Variants in RGS12 observed in about 807,000 individuals in gnomAD.
RGS12 encodes the protein regulator of G-protein signaling 12.
A neutral mutation model predicts 120.1 loss-of-function variants in RGS12; 66 were observed. That is an observed-to-expected ratio of 0.55 (90% CI 0.45 to 0.67). The LOEUF is 0.67. Ranked by LOEUF, RGS12 falls within the 30% of genes least tolerant of loss-of-function variation. The pLI, the probability that RGS12 is intolerant of heterozygous loss-of-function variation, is 0.00. For synonymous variants in RGS12, 827 were observed against 804.7 expected, an observed-to-expected ratio of 1.03 and a Z score of -0.47; for missense variants, 1,859 against 1,957.7, an observed-to-expected ratio of 0.95 and a Z score of 0.95.
chr4:3,334,474 C>T (rs140806737), intron 2 of RGS12, among the ~76,000 whole-genome samples: 160 of 152,236 alleles, frequency 1.1e-3, no homozygotes, highest in African/African-American at 3.7e-3. Context: ...GAGACTATCT[C>T]GTACTTTCCC....
chr4:3,321,315 G>A (rs1424751464), intron 2 of RGS12, among the ~76,000 whole-genome samples: 1 of 152,152 alleles, frequency 6.6e-6, no homozygotes, highest in African/African-American at 2.4e-5. Flanking sequence ...AGAGAGTGAA[G>A]CAGCTCCAGG....
rs547059462 is a variant in RGS12 at position 3,425,504 on chromosome 4, C to T, written c.3275C>T (p.Ser1092Leu). The T allele has an allele frequency of 7.4e-6, 12 of 1,611,990 alleles. No homozygotes were observed. Among genetic ancestry groups the T allele is most frequent in the Admixed American group, 5.0e-5 (3 of 59,892 alleles). Residue 1092 changes from serine to leucine, a missense_variant, in exon 14 of 18, where the codon TCG becomes TTG. Transcript: ENST00000336727. ...KEPLDLGAPI[S>L]SLDGQRVVLE... ...CCCCTGGACCTTGGCGCCCCTATAT[C>T]GAGTCTGGACGGACAGCGGGTTGTC...
chr4:3,351,143 T>A (rs1009531746), intron 3 of RGS12, among the ~76,000 whole-genome samples: 3 of 152,188 alleles, frequency 2.0e-5, no homozygotes, highest in African/African-American at 7.2e-5. Flanking sequence ...TTTTTCAGAT[T>A]CAATTGAATT....
intron 17 of RGS12, chr4:3,432,120 C>G: frequency 1.0e-6 from 1 of 985,498 alleles, no homozygotes; most frequent in African/African-American, 1.7e-5. Context: ...GTGTGGCTCT[C>G]ACCTGCGTTT....
At position 3,439,508 on chromosome 4, in the gene RGS12, G is replaced by A. The variant is rs1156458996; in HGVS notation, c.4168G>A (p.Asp1390Asn). Residue 1390 changes from aspartate (D) to asparagine (N), a missense_variant, in exon 18 of 18, where the codon GAT becomes AAT. Around this residue, in one of 3 missense-constraint regions of RGS12, gnomAD observed 517 missense variants for 488.5 expected, o/e 1.06. Coordinates refer to ENST00000336727, the MANE Select transcript of RGS12 (RefSeq NM_001394154.1). The stretch of plus-strand genomic sequence containing the variant: ...CCCAGTCAACAGAATCATCGATGTG[G>A]ATCTTGTAACTGGCTCGGCGCCCGG... ...DLPVNRIIDV[D>N]LVTGSAPGRD... The A allele has an allele frequency of 6.2e-7, 1 of 1,612,834 alleles. No homozygotes were observed. The highest frequency in any genetic ancestry group is 1.7e-5 in the Admixed American group (1 of 60,018).
upstream of RGS12, among the ~76,000 whole-genome samples, chr4:3,288,945 T>C (rs13152190): frequency 0.27 from 41,057 of 151,890 alleles, 6,600 homozygotes; most frequent in East Asian, 0.47. The surrounding 1 kb of genome is among the most constrained non-coding windows in gnomAD (Gnocchi z 5.2). Context: ...TAGAGTGGGC[T>C]GACTCCAGCC....
chr4:3,340,013 A>G (rs954862516), intron 2 of RGS12, among the ~76,000 whole-genome samples: 9 of 152,224 alleles, frequency 5.9e-5, no homozygotes, highest in African/African-American at 2.2e-4. Context: ...ATCTATAATG[A>G]GAACAAAGTC....
chr4:3,308,425 C>T (rs1329341459), intron 1 of RGS12, among the ~76,000 whole-genome samples: 6 of 152,344 alleles, frequency 3.9e-5, no homozygotes, highest in Admixed American at 6.5e-5. Flanking sequence ...ACTGAAATGG[C>T]GAGGCACCCT....
chr4:3,417,621 G>A (rs1326941796), intron 9 of RGS12, 80 bp downstream of exon 9: 16 of 1,498,206 alleles, frequency 1.1e-5, no homozygotes, highest in Non-Finnish European at 1.5e-5. Flanking sequence ...GGTGGTTGGC[G>A]GTGACCTTGG....
chr4:3,357,999 T>C (rs762942172), intron 3 of RGS12, among the ~76,000 whole-genome samples: 13 of 152,226 alleles, frequency 8.5e-5, no homozygotes, highest in Non-Finnish European at 1.5e-4. Context: ...GGATATGTTA[T>C]ATTTACTTAT....
At chr4:3,402,655 C>A (rs548583433) in intron 4 of RGS12, among the ~76,000 whole-genome samples, 1 of 147,646 alleles carries the variant, frequency 6.8e-6, no homozygotes, top group African/African-American at 2.6e-5. Context: ...CGTTGGGTGG[C>A]GTCCTCTGCG....
Position 3,414,816 on chromosome 4 carries a change from A to G in RGS12, c.2255A>G (p.Asn752Ser), listed in dbSNP as rs755008956. 3.6e-5 allele frequency: 58 copies of G among 1,613,526 alleles called. No individual in the cohort carries two copies. The highest frequency in any genetic ancestry group is 6.7e-5 in the East Asian group (3 of 44,890). ...TTCTGGCAGGCCTGTGAATATTTTA[A>G]TCATGTTCCTGCACATGACAAAAAG... ...ILFWQACEYF[N>S]HVPAHDKKEL... is the part of the protein sequence containing the mutation. Residue 752 changes from asparagine to serine, a missense_variant, in exon 6 of 18, where the codon AAT becomes AGT. Physicochemically the swap from Asn to Ser is conservative, Grantham distance 46. This residue lies in a region of RGS12 where 375 missense variants were observed against 475.0 expected (regional missense o/e 0.79). Coordinates refer to ENST00000336727, the MANE Select transcript of RGS12 (RefSeq NM_001394154.1).
chr4:3,424,520 C>T (rs560206001), intron 13 of RGS12, among the ~76,000 whole-genome samples: 7 of 152,290 alleles, frequency 4.6e-5, no homozygotes, highest in South Asian at 4.1e-4. Context: ...TCTGGGGAGA[C>T]GCTGCGCAAT....
chr4:3,292,856 C>T (rs1353110838), upstream of RGS12, among the ~76,000 whole-genome samples: 2 of 151,992 alleles, frequency 1.3e-5, no homozygotes, highest in Admixed American at 6.5e-5. Flanking sequence ...CGTTACCACG[C>T]TGTCCCGACG....
chr4:3,322,976 G>T (rs1310709236), intron 2 of RGS12, among the ~76,000 whole-genome samples: 1 of 152,118 alleles, frequency 6.6e-6, no homozygotes, highest in African/African-American at 2.4e-5. Context: ...ATACCTTATG[G>T]GTGTACTGGA....
At chr4:3,333,093 G>C (rs968493633) in intron 2 of RGS12, among the ~76,000 whole-genome samples, 2 of 148,478 alleles carry the variant, frequency 1.3e-5, no homozygotes, top group Non-Finnish European at 3.0e-5. Flanking sequence ...CCGTCTCCCA[G>C]GCTGGAGTGC....
At chr4:3,337,120 T>C (rs1712563611) in intron 2 of RGS12, among the ~76,000 whole-genome samples, 1 of 152,148 alleles carries the variant, frequency 6.6e-6, no homozygotes, top group Admixed American at 6.5e-5. Flanking sequence ...CATCAATTAT[T>C]AGGCCAGCGC....
chr4:3,296,254 C>T (rs1723376246), intron 1 of RGS12, among the ~76,000 whole-genome samples: 1 of 152,198 alleles, frequency 6.6e-6, no homozygotes, highest in South Asian at 2.1e-4. Context: ...ACAATCATAG[C>T]TCACTACAGC....
chr4:3,383,617 G>A (rs1029560746), intron 3 of RGS12, among the ~76,000 whole-genome samples: 1 of 151,962 alleles, frequency 6.6e-6, no homozygotes, highest in Admixed American at 6.6e-5. Context: ...AAAAAAGTAT[G>A]TGTATCTCTC....
Sources: gnomAD v4.1 joint callset for allele counts (sites outside exome capture counted in the v4.1 genomes callset) on GRCh38, gnomAD v4.1.1 for gene constraint, gnomAD v4.1.1 regional missense constraint, Gnocchi (gnomAD v3.1) non-coding constraint, MANE v1.5 for transcripts, NCBI Gene and HGNC (gene_info 2026-07-23, HGNC 2026-07-21) for gene names.